Variants in PUF60 observed in about 807,000 individuals in gnomAD.
PUF60 encodes poly(U)-binding-splicing factor PUF60.
In PUF60, 10 loss-of-function variants were observed where a neutral mutation model predicts 61.8. That is an observed-to-expected ratio of 0.16 (90% CI 0.10 to 0.27). PUF60 has a LOEUF of 0.27. Among genes scored for constraint, PUF60 ranks in the 10% least tolerant of loss-of-function variants. PUF60 has a pLI of 1.00. For missense variants in PUF60, 371 were observed against 754.0 expected, an observed-to-expected ratio of 0.49 and a Z score of 5.95; for synonymous variants, 353 against 300.9, an observed-to-expected ratio of 1.17 and a Z score of -1.79.
intron 1 of PUF60, among the ~76,000 whole-genome samples, chr8:143,828,748 G>A (rs1477944499): frequency 2.0e-5 from 3 of 152,312 alleles, no homozygotes; most frequent in East Asian, 3.9e-4. Flanking sequence ...GTGGAGACAA[G>A]AGAATGGAGA....
At position 143,817,230 on chromosome 8, in the gene PUF60, A is replaced by G. The variant is rs1816441412; in HGVS notation, c.1145-85T>C. ...CACAGAGCTGGCCTGCCCTGGGCTC[A>G]GAGGGTTGTGCCCAGACCACCAGGG... On this transcript the variant is annotated intron_variant, in intron 10 of 11. Coordinates refer to ENST00000526683, the MANE Select transcript of PUF60 (RefSeq NM_078480.3). The surrounding 1 kb of genome is among the most constrained non-coding windows in gnomAD (Gnocchi z 7.4). 2 of 1,522,832 alleles carry G rather than the reference A, an allele frequency of 1.3e-6. No homozygotes were observed. The highest frequency in any genetic ancestry group is 4.7e-5 in the East Asian group (2 of 42,964). 94.3% of individuals were successfully genotyped at this position (1,522,832 alleles called of 1,614,324 possible).
In PUF60 at chr8:143,821,805, G is replaced by A; in HGVS notation, c.207+13C>T. On this transcript the variant is annotated intron_variant, in intron 3 of 11. Transcript: ENST00000526683. ...GTCCCACACCTGCAGTGCCCTGGGA[G>A]GTCCATGCTCACCTTCTGAAGGGCC... is the stretch of plus-strand genomic sequence containing the variant. The A allele has an allele frequency of 6.2e-7, 1 of 1,606,798 alleles. No individual in the cohort carries two copies. The highest frequency in any genetic ancestry group is 8.5e-7 in the Non-Finnish European group (1 of 1,177,780).
chr8:143,823,944 A>G (rs1428935468), intron 2 of PUF60, among the ~76,000 whole-genome samples: 1 of 152,268 alleles, frequency 6.6e-6, no homozygotes, highest in Non-Finnish European at 1.5e-5. Flanking sequence ...TGGCTCCTCA[A>G]GCACTGCGAG....
chr8:143,818,138 G>A lies in PUF60; in HGVS notation c.603+55C>T, dbSNP rs545809133. 5.5e-4 allele frequency: 885 copies of A among 1,600,812 alleles called. 1 individual carries two copies. The highest frequency in any genetic ancestry group is 1.9e-3 in the Admixed American group (110 of 58,408). On this transcript the variant is annotated intron_variant, in intron 7 of 11. Coordinates refer to ENST00000526683, the MANE Select transcript of PUF60 (RefSeq NM_078480.3). The surrounding 1 kb of genome is among the most constrained non-coding windows in gnomAD (Gnocchi z 7.9). The stretch of plus-strand genomic sequence containing the variant: ...CCAGGCCCGGCCACAAAAGGCTTCC[G>A]TGGAGGGGCAGCCCTGCACGCCTGC...
Position 143,824,490 on chromosome 8 carries a change from C to T in PUF60, c.25-91G>A, listed in dbSNP as rs535837612. The T allele has an allele frequency of 2.6e-5, 36 of 1,383,994 alleles. No homozygotes were observed. The African/African-American group carries it at 4.7e-4, about 18-fold the overall frequency. 85.7% of individuals were successfully genotyped at this position (1,383,994 alleles called of 1,614,324 possible). ...CCCGAGCTAAGGGCTGAGCTCCTCA[C>T]GGATAAGCAAGGGAGGCCAGGCAGG... On this transcript the variant is annotated intron_variant, in intron 1 of 11. Coordinates refer to ENST00000526683, the MANE Select transcript of PUF60 (RefSeq NM_078480.3).
chr8:143,818,818 G>A lies in PUF60; in HGVS notation c.349-284C>T, dbSNP rs1438012768. 2.0e-6 allele frequency: 1 copy of A among 490,266 alleles called. No individual in the cohort carries two copies. Among genetic ancestry groups the A allele is most frequent in the East Asian group, 3.3e-5 (1 of 30,152 alleles). The allele number at this position is 490,266 out of a possible 1,614,324, so 30.4% of individuals were successfully genotyped here. ...AGCCGACAGATGGTCAGGAGGCAGGGCTGTGCGCCCTCCCACCCAGACCAC... is the reference window on the plus strand; with the variant it reads ...AGCCGACAGATGGTCAGGAGGCAGGACTGTGCGCCCTCCCACCCAGACCAC... On this transcript the variant is annotated intron_variant, in intron 5 of 11. Transcript: ENST00000526683. The surrounding 1 kb of genome is among the most constrained non-coding windows in gnomAD (Gnocchi z 7.9).
chr8:143,824,748 C>G (rs2130390311), intron 1 of PUF60: 1 of 348,286 alleles, frequency 2.9e-6, no homozygotes, highest in East Asian at 6.1e-5. Flanking sequence ...TGGGTGTCCC[C>G]CATGCCCTCC....
chr8:143,824,321 G>T lies in PUF60; in HGVS notation c.103C>A (p.Pro35Thr). The change falls in exon 2 of 12, where the codon CCT becomes ACT. Residue 35 changes from proline (P) to threonine (T), a missense_variant. Physicochemically the swap from Pro to Thr is conservative, Grantham distance 38. This residue lies in a region of PUF60 where 69 missense variants were observed against 64.7 expected (regional missense o/e 1.07). Transcript: ENST00000526683. ...ATGCTTAAGGTCAGTACCTGTGGAG[G>T]TTTCCATTTGTCTCCCGCTGCCACC... ...AVVAAGDKWK[P>T]PQGTDSIKME... 1 of 1,611,398 alleles carries T rather than the reference G, an allele frequency of 6.2e-7. No individual in the cohort carries two copies. The highest frequency in any genetic ancestry group is 8.5e-7 in the Non-Finnish European group (1 of 1,179,320).
At chr8:143,827,390 C>A in intron 1 of PUF60, 1 of 456,274 alleles carries the variant, frequency 2.2e-6, no homozygotes, top group Non-Finnish European at 4.4e-6. Context: ...CCTACCCTTG[C>A]TGCAAAGAGG....
At chr8:143,829,225 A>T in intron 1 of PUF60, 55 bp downstream of exon 1, 1 of 1,236,962 alleles carries the variant, frequency 8.1e-7, no homozygotes, top group South Asian at 3.7e-5. Context: ...GGCTGGGTCG[A>T]CGACCCGGCC....
At position 143,821,890 on chromosome 8, in the gene PUF60, C is replaced by T. The variant is rs1196900901; in HGVS notation, c.135G>A (p.Glu45=). The stretch of plus-strand genomic sequence containing the variant: ...GCTTGGCGGCTGTGCTCTGCCCGTT[C>T]TCCATCTTGATGGAGTCTGTGCCCT... The part of the protein sequence containing the change: ...PPQGTDSIKM[E]NGQSTAAKLG... Residue 45 remains glutamate (E), a synonymous_variant, in exon 3 of 12, where the codon GAG becomes GAA. Transcript: ENST00000526683. 6.2e-7 allele frequency: 1 copy of T among 1,606,908 alleles called. No homozygotes were observed. The highest frequency in any genetic ancestry group is 8.5e-7 in the Non-Finnish European group (1 of 1,178,060).
chr8:143,820,350 C>G, intron 5 of PUF60: 2 of 450,914 alleles, frequency 4.4e-6, no homozygotes, highest in South Asian at 4.9e-5. Flanking sequence ...GTGGGCACAC[C>G]CCGTGCGTGC....
intron 2 of PUF60, chr8:143,822,651 G>A: frequency 2.2e-6 from 1 of 451,100 alleles, no homozygotes; most frequent in Non-Finnish European, 4.5e-6. Context: ...AGGCCCTTGG[G>A]CAGTCACAGC....
At chr8:143,819,626 C>G (rs1816787212) in intron 5 of PUF60, among the ~76,000 whole-genome samples, 1 of 152,196 alleles carries the variant, frequency 6.6e-6, no homozygotes. Context: ...AGATATCTTC[C>G]TTCAAACCAG....
At chr8:143,823,988 C>G (rs746991556) in intron 2 of PUF60, among the ~76,000 whole-genome samples, 2 of 152,288 alleles carry the variant, frequency 1.3e-5, no homozygotes, top group Non-Finnish European at 2.9e-5. Flanking sequence ...TCCTGCAAGA[C>G]GCTCATGCCT....
At chr8:143,820,785 A>C in intron 4 of PUF60, 69 bp from the exon 5 acceptor site, 270 of 1,449,074 alleles carry the variant, frequency 1.9e-4, no homozygotes, top group Non-Finnish European at 2.4e-4. Context: ...TCAACACCTC[A>C]CGCAGACAGC....
At position 143,817,303 on chromosome 8, in the gene PUF60, A is replaced by C; in HGVS notation, c.1144+28T>G. On this transcript the variant is annotated intron_variant, in intron 10 of 11. Transcript: ENST00000526683. This position sits in a 1 kb window ranked among gnomAD's most constrained non-coding sequence, Gnocchi z 7.4. Reference sequence around the variant, plus strand: ...CCGAGAGATGCCAGGACAGGAGAGGAGAGGATCTGGTACCACTTAAGACTC... The same window carrying C: ...CCGAGAGATGCCAGGACAGGAGAGGCGAGGATCTGGTACCACTTAAGACTC... 6.4e-7 allele frequency: 1 copy of C among 1,573,268 alleles called. No homozygotes were observed. The highest frequency in any genetic ancestry group is 2.3e-5 in the East Asian group (1 of 44,440).
At chr8:143,827,672 C>T (rs928720350) in intron 1 of PUF60, 3 of 325,406 alleles carry the variant, frequency 9.2e-6, no homozygotes, top group Non-Finnish European at 1.8e-5. Context: ...CTACAGCTCA[C>T]TCCTGGAGCC....
chr8:143,817,475 CA>C lies in PUF60; in HGVS notation c.1009-10del. Reference sequence around the variant, plus strand: ...GCTCCGGCCACTGCTTCCTGCAACCCAAAAGGTCACCGTGCTCAGTCCCTGG... The same window carrying C: ...GCTCCGGCCACTGCTTCCTGCAACCCAAAGGTCACCGTGCTCAGTCCCTGG... On this transcript the variant is annotated splice_polypyrimidine_tract_variant and intron_variant, in intron 9 of 11. Coordinates refer to ENST00000526683, the MANE Select transcript of PUF60 (RefSeq NM_078480.3). The surrounding 1 kb of genome is among the most constrained non-coding windows in gnomAD (Gnocchi z 7.4). 1 of 1,609,874 alleles carries C rather than the reference CA, an allele frequency of 6.2e-7. No homozygotes were observed. Among genetic ancestry groups the C allele is most frequent in the Non-Finnish European group, 8.5e-7 (1 of 1,178,874 alleles).
Sources: allele counts gnomAD v4.1 joint callset (sites outside exome capture counted in the v4.1 genomes callset), GRCh38; gene constraint gnomAD v4.1.1; regional missense constraint gnomAD v4.1.1; non-coding constraint Gnocchi (gnomAD v3.1); transcripts MANE v1.5; gene names NCBI Gene and HGNC (gene_info 2026-07-23, HGNC 2026-07-21).